Variants in RARS2 observed in about 807,000 individuals in gnomAD.
The protein encoded by RARS2 is probable arginine--tRNA ligase, mitochondrial.
In RARS2, 67 loss-of-function variants were observed where a neutral mutation model predicts 88.5. The ratio of observed to expected loss-of-function variants is 0.76; its 90% CI spans 0.62 to 0.93. The LOEUF (loss-of-function observed/expected upper bound fraction) is 0.93. Among genes scored for constraint, RARS2 ranks in the 40% least tolerant of loss-of-function variants. RARS2 has a pLI of 0.00. For synonymous variants in RARS2, 239 were observed against 230.3 expected, an observed-to-expected ratio of 1.04 and a Z score of -0.34; for missense variants, 664 against 684.2, an observed-to-expected ratio of 0.97 and a Z score of 0.33.
intron 1 of RARS2, among the ~76,000 whole-genome samples, chr6:87,573,823 G>C (rs1562247620): frequency 6.6e-6 from 1 of 152,190 alleles, no homozygotes; most frequent in Non-Finnish European, 1.5e-5. Context: ...TAAACAGGTA[G>C]GTAGGTTGGT....
intron 5 of RARS2, among the ~76,000 whole-genome samples, chr6:87,549,557 A>G (rs1783729718): frequency 6.6e-6 from 1 of 151,616 alleles, no homozygotes; most frequent in Non-Finnish European, 1.5e-5. Flanking sequence ...AAAATTAAAA[A>G]AAAAAAAACA....
intron 1 of RARS2, among the ~76,000 whole-genome samples, chr6:87,587,062 C>A (rs1332700430): frequency 6.6e-6 from 1 of 152,064 alleles, no homozygotes; most frequent in Non-Finnish European, 1.5e-5. Context: ...GAGGGTGCCA[C>A]CATGCCCAAC....
In RARS2 at chr6:87,532,428, T is replaced by G. The variant is rs114049760; in HGVS notation, c.613-1486A>C. 5.8e-3 allele frequency among the ~76,000 whole-genome samples: 889 copies of G among 152,302 alleles called. 5 individuals are homozygous for G. Among genetic ancestry groups the G allele is most frequent in the African/African-American group, 0.019 (772 of 41,572 alleles). On this transcript the variant is annotated intron_variant, in intron 8 of 19. Coordinates refer to ENST00000369536, the MANE Select transcript of RARS2 (RefSeq NM_020320.5). ...GAACTTCTGCTTTCCTTCTGGGAGT[T>G]TGGGATTTAGGACATTCTAAGCAGA... is the stretch of plus-strand genomic sequence containing the variant.
In RARS2 at chr6:87,516,881, C is replaced by T. The variant is rs1771924660; in HGVS notation, c.1512-1G>A. The T allele has an allele frequency of 6.2e-7, 1 of 1,613,386 alleles. No homozygotes were observed. Among genetic ancestry groups the T allele is most frequent in the Admixed American group, 1.7e-5 (1 of 59,982 alleles). On this transcript the variant is annotated splice_acceptor_variant, in intron 17 of 19. Coordinates refer to ENST00000369536, the MANE Select transcript of RARS2 (RefSeq NM_020320.5). LOFTEE classifies it high-confidence loss of function. Reference sequence around the variant, plus strand: ...TGATTTATAAAGCACCTCGTCGAACCTAAAAGATGACAGGAACAGTGAACA... The same window carrying T: ...TGATTTATAAAGCACCTCGTCGAACTTAAAAGATGACAGGAACAGTGAACA...
At chr6:87,520,306 A>G (rs763157592) in intron 12 of RARS2, 50 bp from the exon 13 acceptor site, 21 of 1,384,878 alleles carry the variant, frequency 1.5e-5, no homozygotes, top group Admixed American at 6.8e-5. Context: ...AAATTAATGT[A>G]TAAAAATAGG....
In RARS2 at chr6:87,517,328, G is replaced by A. The variant is rs148468459; in HGVS notation, c.1512-448C>T. Among the ~76,000 whole-genome samples the A allele has an allele frequency of 2.5e-3, 379 of 152,232 alleles. 2 individuals are homozygous for A. Among genetic ancestry groups the A allele is most frequent in the African/African-American group, 8.8e-3 (365 of 41,538 alleles). On this transcript the variant is annotated intron_variant, in intron 17 of 19. Transcript: ENST00000369536. ...TGAAAAAACTGTGTGTACATTTGAA[G>A]GCAAAGGAACATTTTTCTTTCTTCC...
rs1776503225 is a variant in RARS2, at chr6:87,589,912, G to A, written c.36+10C>T. ...CTCAGGGACTCCTCTGCGCGCTCCG[G>A]GATCCATACCTGGCAAGCAATAGCG... On this transcript the variant is annotated intron_variant, in intron 1 of 19. Transcript: ENST00000369536. 1 of 1,614,222 alleles carries A rather than the reference G, an allele frequency of 6.2e-7. No individual in the cohort carries two copies. The highest frequency in any genetic ancestry group is 8.5e-7 in the Non-Finnish European group (1 of 1,180,038).
chr6:87,522,333 T>TAAAAAAAAA (rs34710568), intron 11 of RARS2, among the ~76,000 whole-genome samples: 3 of 88,738 alleles, frequency 3.4e-5, no homozygotes, highest in African/African-American at 4.4e-5. Flanking sequence ...CCGTCTCAAT[T>TAAAAAAAAA]AAAAAAAAAA....
intron 9 of RARS2, 62 bp downstream of exon 9, chr6:87,530,722 G>A (rs190368918): frequency 6.4e-7 from 1 of 1,560,814 alleles, no homozygotes. Flanking sequence ...ACTTTACTAT[G>A]CAGGTAACAG....
intron 18 of RARS2, among the ~76,000 whole-genome samples, chr6:87,515,676 C>CCA (rs1374952585): frequency 4.1e-5 from 5 of 121,806 alleles, no homozygotes; most frequent in Admixed American, 2.7e-4. Flanking sequence ...TATCCACTCT[C>CCA]CACACACACT....
chr6:87,548,338 A>C (rs1783241681), intron 6 of RARS2, among the ~76,000 whole-genome samples: 1 of 152,204 alleles, frequency 6.6e-6, no homozygotes, highest in Non-Finnish European at 1.5e-5. Context: ...TATTTTTAGA[A>C]AGTTAAAAAT....
intron 1 of RARS2, among the ~76,000 whole-genome samples, chr6:87,583,974 G>A (rs554308540): frequency 6.6e-6 from 1 of 152,290 alleles, no homozygotes; most frequent in African/African-American, 2.4e-5. Flanking sequence ...TTAGTGTTGA[G>A]CGACAAATCC....
chr6:87,534,194 G>C (rs1348845554), intron 8 of RARS2, among the ~76,000 whole-genome samples: 4 of 152,106 alleles, frequency 2.6e-5, no homozygotes, highest in African/African-American at 9.7e-5. Context: ...AATTAAAATT[G>C]AATGTATCAA....
rs1265321585 is a variant in RARS2, at chr6:87,514,020, G to A, written c.*393C>T. Reference sequence around the variant, plus strand: ...ATACAGATTCTGACACAGAATAATAGTTTAACTTTGGCTGGGCGTGGTGGT... The same window carrying A: ...ATACAGATTCTGACACAGAATAATAATTTAACTTTGGCTGGGCGTGGTGGT... On this transcript the variant is annotated 3_prime_UTR_variant, in exon 20 of 20. Coordinates refer to ENST00000369536, the MANE Select transcript of RARS2 (RefSeq NM_020320.5). 6.6e-6 allele frequency among the ~76,000 whole-genome samples: 1 copy of A among 152,172 alleles called. No homozygotes were observed. Among genetic ancestry groups the A allele is most frequent in the Non-Finnish European group, 1.5e-5 (1 of 68,028 alleles).
chr6:87,556,484 A>G (rs1203611994), intron 4 of RARS2, among the ~76,000 whole-genome samples: 1 of 151,954 alleles, frequency 6.6e-6, no homozygotes, highest in African/African-American at 2.4e-5. Context: ...ACACCCAGCT[A>G]ATTAAAACAA....
At chr6:87,525,350 C>T (rs923215907) in intron 10 of RARS2, among the ~76,000 whole-genome samples, 3 of 151,958 alleles carry the variant, frequency 2.0e-5, no homozygotes, top group Admixed American at 1.3e-4. Context: ...TTAAAGGCAT[C>T]CAAATTGGAA....
chr6:87,565,019 C>CT (rs1767443798), intron 2 of RARS2, among the ~76,000 whole-genome samples: 1 of 152,198 alleles, frequency 6.6e-6, no homozygotes, highest in Non-Finnish European at 1.5e-5. Flanking sequence ...GATCATGCCA[C>CT]TGCACTCCAG....
Position 87,572,937 on chromosome 6 carries a change from T to C in RARS2, c.37-3347A>G, listed in dbSNP as rs116232881. On this transcript the variant is annotated intron_variant, in intron 1 of 19. Transcript: ENST00000369536. ...TACAGGGTAAACATATATATATACA[T>C]ACTCAGTAAATAGCAGGAATGAAGT... 5.1e-3 allele frequency among the ~76,000 whole-genome samples: 770 copies of C among 152,234 alleles called. 10 individuals carry two copies. The highest frequency in any genetic ancestry group is 0.014 in the African/African-American group (582 of 41,538).
At chr6:87,525,405 A>G (rs1392362469) in intron 10 of RARS2, among the ~76,000 whole-genome samples, 1 of 152,178 alleles carries the variant, frequency 6.6e-6, no homozygotes, top group Non-Finnish European at 1.5e-5. Context: ...TTTTTTTTTC[A>G]ATATGATCTT....
Sources: allele counts gnomAD v4.1 joint callset (sites outside exome capture counted in the v4.1 genomes callset), GRCh38; gene constraint gnomAD v4.1.1; transcripts MANE v1.5; gene names NCBI Gene and HGNC (gene_info 2026-07-23, HGNC 2026-07-21).